SIM2: variants seen among roughly 807,000 people sequenced by gnomAD.
SIM2 encodes the protein SIM bHLH transcription factor 2, also known as single-minded homolog 2.
In SIM2, 28 loss-of-function variants were observed where a neutral mutation model predicts 64.8. That is an observed-to-expected ratio of 0.43 (90% CI 0.32 to 0.59). The LOEUF (loss-of-function observed/expected upper bound fraction) is 0.59. Ranked by LOEUF, SIM2 falls within the 20% of genes least tolerant of loss-of-function variation. SIM2 has a pLI of 0.07. For synonymous variants in SIM2, 408 were observed against 391.1 expected (o/e 1.04, Z -0.51); for missense variants, 847 against 871.4 (o/e 0.97, Z 0.35).
At position 36,745,599 on chromosome 21, in the gene SIM2, T is replaced by C. The variant is rs1004875687; in HGVS notation, c.1576+463T>C. On this transcript the variant is annotated intron_variant, in intron 10 of 10. Coordinates refer to ENST00000290399, the MANE Select transcript of SIM2 (RefSeq NM_005069.6). This position sits in a 1 kb window ranked among gnomAD's most constrained non-coding sequence, Gnocchi z 4.8. ...TGGGGAAAACTATGGTGGAAATTTG[T>C]GGGCTTGGGGACAGAAATGCCACTC... 27 of 1,122,264 alleles carry C rather than the reference T, an allele frequency of 2.4e-5. No homozygotes were observed. In the African/African-American group the frequency reaches 4.0e-4, roughly 17 times the overall value. 69.5% of individuals were successfully genotyped at this position (1,122,264 alleles called of 1,614,324 possible).
At chr21:36,714,737 C>T (rs1325611531) in intron 3 of SIM2, among the ~76,000 whole-genome samples, 1 of 152,104 alleles carries the variant, frequency 6.6e-6, no homozygotes, top group East Asian at 1.9e-4. Flanking sequence ...TCCAAGTTAG[C>T]CTCTCTGTGT....
intron 7 of SIM2, among the ~76,000 whole-genome samples, chr21:36,736,238 G>A (rs2089045837): frequency 6.6e-6 from 1 of 152,118 alleles, no homozygotes; most frequent in Non-Finnish European, 1.5e-5. Flanking sequence ...ACCGAGAGCA[G>A]GAACAAAGCA....
At chr21:36,722,611 G>A (rs1405818685) in intron 4 of SIM2, among the ~76,000 whole-genome samples, 1 of 151,602 alleles carries the variant, frequency 6.6e-6, no homozygotes, top group East Asian at 1.9e-4. Context: ...GAGCCCTGGA[G>A]AGACAGAGAC....
chr21:36,707,656 T>C (rs1013052720), intron 1 of SIM2, among the ~76,000 whole-genome samples: 1 of 151,992 alleles, frequency 6.6e-6, no homozygotes, highest in Non-Finnish European at 1.5e-5. Context: ...GCCGCTGCCC[T>C]GGGCCGAGGT....
intron 7 of SIM2, among the ~76,000 whole-genome samples, chr21:36,734,570 C>G (rs1165696236): frequency 6.6e-6 from 1 of 152,154 alleles, no homozygotes; most frequent in Non-Finnish European, 1.5e-5. Context: ...CATGAGTGTG[C>G]CTGCCTCAGT....
At chr21:36,746,119 A>C (rs1164764554) in intron 10 of SIM2, 1 of 416,780 alleles carries the variant, frequency 2.4e-6, no homozygotes, top group Non-Finnish European at 3.5e-6. Context: ...AGTTTGCGAC[A>C]AGCCTGCCAA....
In SIM2 at chr21:36,726,088, C is replaced by T; in HGVS notation, c.544-31C>T. Reference sequence around the variant, plus strand: ...TGGGCTCCAGCCCAACCCCAGTGGCCAGTGGCTGACCCTGCCCTCTCCACT... The same window carrying T: ...TGGGCTCCAGCCCAACCCCAGTGGCTAGTGGCTGACCCTGCCCTCTCCACT... On this transcript the variant is annotated intron_variant, in intron 5 of 10. Coordinates refer to ENST00000290399, the MANE Select transcript of SIM2 (RefSeq NM_005069.6). The surrounding 1 kb of genome is among the most constrained non-coding windows in gnomAD (Gnocchi z 4.5). 1 of 1,590,226 alleles carries T rather than the reference C, an allele frequency of 6.3e-7. No homozygotes were observed. Among genetic ancestry groups the T allele is most frequent in the Non-Finnish European group, 8.6e-7 (1 of 1,162,268 alleles).
intron 1 of SIM2, among the ~76,000 whole-genome samples, chr21:36,703,986 T>C (rs1030805790): frequency 1.3e-5 from 2 of 152,188 alleles, no homozygotes; most frequent in Non-Finnish European, 1.5e-5. Flanking sequence ...AGCAGTGAAG[T>C]TGGAAACCAA....
rs775313694 is a variant in SIM2, at chr21:36,743,480, A to G, written c.1092A>G (p.Gln364=). The change falls in exon 9 of 11, where the codon CAA becomes CAG. Residue 364 remains glutamine (Q), a synonymous_variant. Coordinates refer to ENST00000290399, the MANE Select transcript of SIM2 (RefSeq NM_005069.6). ...DSWRTALSTS[Q]ETRKLVKPKN... is the part of the protein sequence containing the mutation. Reference sequence around the variant, plus strand: ...GGAGGACCGCCTTGTCTACCTCACAAGAAACTAGGAAATTAGTGAAACCCA... The same window carrying G: ...GGAGGACCGCCTTGTCTACCTCACAGGAAACTAGGAAATTAGTGAAACCCA... The G allele has an allele frequency of 1.2e-6, 2 of 1,614,048 alleles. No homozygotes were observed. The highest frequency in any genetic ancestry group is 1.7e-6 in the Non-Finnish European group (2 of 1,180,034).
chr21:36,705,567 A>G (rs926617172), intron 1 of SIM2, among the ~76,000 whole-genome samples: 10 of 152,270 alleles, frequency 6.6e-5, no homozygotes, highest in African/African-American at 2.4e-4. Flanking sequence ...ATCCCACAAA[A>G]ATCCCATTTT....
At chr21:36,735,309 G>A (rs989863179) in intron 7 of SIM2, among the ~76,000 whole-genome samples, 11 of 152,352 alleles carry the variant, frequency 7.2e-5, no homozygotes, top group African/African-American at 2.6e-4. Context: ...TGTCTTCACA[G>A]CCTGTCGTCA....
At chr21:36,710,968 T>C (rs977782437) in intron 2 of SIM2, among the ~76,000 whole-genome samples, 35 of 152,204 alleles carry the variant, frequency 2.3e-4, no homozygotes, top group African/African-American at 8.4e-4. Flanking sequence ...GGAACTTCAA[T>C]GAAAACCTGG....
chr21:36,723,178 T>A (rs369474060), intron 5 of SIM2, 48 bp downstream of exon 5: 1 of 1,485,974 alleles, frequency 6.7e-7, no homozygotes, highest in South Asian at 1.1e-5. Flanking sequence ...GGGTCTTCAA[T>A]GTGTGTTTTC....
In SIM2 at chr21:36,747,703, G is replaced by A. The variant is rs1198987612; in HGVS notation, c.1615G>A (p.Ala539Thr). The part of the protein sequence containing the change: ...AAVRRFGEDT[A>T]PPSFPSCGHY... Reference sequence around the variant, plus strand: ...CGTGCGCAGGTTCGGCGAGGACACCGCGCCCCCGAGCTTCCCGAGCTGCGG... The same window carrying A: ...CGTGCGCAGGTTCGGCGAGGACACCACGCCCCCGAGCTTCCCGAGCTGCGG... The change falls in exon 11 of 11, where the codon GCG becomes ACG. Residue 539 changes from alanine to threonine, a missense_variant. By Grantham distance (58) the Ala-to-Thr change is moderately conservative. Around this residue, in one of 3 missense-constraint regions of SIM2, gnomAD observed 447 missense variants for 414.6 expected, o/e 1.08. Transcript: ENST00000290399. The surrounding 1 kb of genome is among the most constrained non-coding windows in gnomAD (Gnocchi z 4.5). 7.8e-7 allele frequency: 1 copy of A among 1,281,264 alleles called. No homozygotes were observed. Among genetic ancestry groups the A allele is most frequent in the Non-Finnish European group, 9.9e-7 (1 of 1,012,064 alleles). The allele number at this position is 1,281,264 out of a possible 1,614,324, so 79.4% of individuals were successfully genotyped here. A position where few individuals can be genotyped will look rare whatever the true frequency, so the allele number is the denominator to read the frequency against.
At chr21:36,720,220 A>C in intron 4 of SIM2, 1 of 358,524 alleles carries the variant, frequency 2.8e-6, no homozygotes, top group African/African-American at 2.0e-5. Flanking sequence ...CTTGGGTCAG[A>C]ATTCCAGGGA....
At chr21:36,737,982 A>AAAAAAAAAAAAAAG (rs2089095780) in intron 7 of SIM2, among the ~76,000 whole-genome samples, 1 of 88,790 alleles carries the variant, frequency 1.1e-5, no homozygotes, top group African/African-American at 3.4e-5. Flanking sequence ...AAAAAAAAAA[A>AAAAAAAAAAAAAAG]GCAAAAAAAA....
chr21:36,712,876 C>T (rs1311444814), intron 3 of SIM2, among the ~76,000 whole-genome samples: 1 of 152,138 alleles, frequency 6.6e-6, no homozygotes, highest in Non-Finnish European at 1.5e-5. Context: ...AGCCTTGTTC[C>T]GAGATTCTGC....
chr21:36,722,104 C>A (rs2088830330), intron 4 of SIM2, among the ~76,000 whole-genome samples: 1 of 152,182 alleles, frequency 6.6e-6, no homozygotes, highest in African/African-American at 2.4e-5. Flanking sequence ...GAGAAATGGG[C>A]TCTCCCCAGA....
intron 7 of SIM2, among the ~76,000 whole-genome samples, chr21:36,734,330 A>G (rs1432831429): frequency 6.6e-6 from 1 of 152,192 alleles, no homozygotes; most frequent in East Asian, 1.9e-4. Context: ...GGGGACTCTG[A>G]AAGGGCAAGC....
Sources: gnomAD v4.1 joint callset for allele counts (sites outside exome capture counted in the v4.1 genomes callset) on GRCh38, gnomAD v4.1.1 for gene constraint, gnomAD v4.1.1 regional missense constraint, Gnocchi (gnomAD v3.1) non-coding constraint, MANE v1.5 for transcripts, NCBI Gene and HGNC (gene_info 2026-07-23, HGNC 2026-07-21) for gene names.